Variants in TLE4 observed in about 807,000 individuals in gnomAD.
TLE4 encodes TLE family member 4, transcriptional corepressor.
Under a neutral mutation model 92.8 loss-of-function variants are expected in TLE4, and 8 were observed. The observed-to-expected ratio is 0.09, with a 90% CI of 0.05 to 0.16. The LOEUF is 0.16. TLE4 is among the 10% of genes least tolerant of loss of function. TLE4 has a pLI of 1.00. For missense variants in TLE4, 675 were observed against 997.6 expected (o/e 0.68, Z 4.36); for synonymous variants, 371 against 374.1 (o/e 0.99, Z 0.10).
At chr9:79,713,228 G>T (rs1037082750) in intron 14 of TLE4, among the ~76,000 whole-genome samples, 1 of 152,194 alleles carries the variant, frequency 6.6e-6, no homozygotes, top group Non-Finnish European at 1.5e-5. Flanking sequence ...ATGAGGGGAA[G>T]GTGGGAAAGC....
intron 19 of TLE4, among the ~76,000 whole-genome samples, chr9:79,723,488 C>T (rs542613794): frequency 6.6e-6 from 1 of 152,140 alleles, no homozygotes; most frequent in Non-Finnish European, 1.5e-5. Context: ...TTTATTTTCC[C>T]TATTGACTCA....
intron 6 of TLE4, chr9:79,627,697 C>A: frequency 4.5e-6 from 2 of 440,702 alleles, no homozygotes; most frequent in Non-Finnish European, 8.1e-6. Context: ...AGCTCTTTTT[C>A]ATATTTCTTT....
At chr9:79,674,021 C>T (rs2062844933) in intron 8 of TLE4, among the ~76,000 whole-genome samples, 1 of 152,094 alleles carries the variant, frequency 6.6e-6, no homozygotes, top group African/African-American at 2.4e-5. Context: ...CCTCTTTAGT[C>T]CTCCCAGGCT....
intron 4 of TLE4, among the ~76,000 whole-genome samples, chr9:79,608,560 A>G (rs1354266866): frequency 6.6e-6 from 1 of 152,082 alleles, no homozygotes; most frequent in Non-Finnish European, 1.5e-5. Context: ...AATAAAATAA[A>G]TAGATTCATC....
chr9:79,667,700 A>G (rs1240570166), intron 8 of TLE4, among the ~76,000 whole-genome samples: 2 of 152,132 alleles, frequency 1.3e-5, no homozygotes, highest in African/African-American at 4.8e-5. Flanking sequence ...AAGCTGAGCA[A>G]GGTAAAGATA....
intron 14 of TLE4, among the ~76,000 whole-genome samples, chr9:79,714,942 T>C (rs1399394903): frequency 1.3e-5 from 2 of 152,222 alleles, no homozygotes; most frequent in Admixed American, 1.3e-4. Flanking sequence ...AATCTGATAA[T>C]AAGTATGTAC....
chr9:79,609,281 C>T (rs1023226554), intron 4 of TLE4, among the ~76,000 whole-genome samples: 2 of 152,068 alleles, frequency 1.3e-5, no homozygotes, highest in Admixed American at 6.6e-5. Flanking sequence ...TAGAGTTAGC[C>T]TGTTGACAGT....
intron 8 of TLE4, among the ~76,000 whole-genome samples, chr9:79,696,289 T>G (rs1374744690): frequency 6.6e-6 from 1 of 152,222 alleles, no homozygotes; most frequent in Non-Finnish European, 1.5e-5. Context: ...CCGAAAAGTG[T>G]AAAATACATA....
chr9:79,612,484 G>C (rs530115562), intron 4 of TLE4, among the ~76,000 whole-genome samples, 172 bp from the exon 5 acceptor site: 3 of 152,230 alleles, frequency 2.0e-5, no homozygotes, highest in Admixed American at 1.3e-4. Flanking sequence ...ATGTGGCACT[G>C]TTGTCACTGC....
chr9:79,574,033 C>T, intron 2 of TLE4: 1 of 292,928 alleles, frequency 3.4e-6, no homozygotes, highest in East Asian at 5.5e-5. Flanking sequence ...TTGGAAAACG[C>T]TGAGGCCAAA....
intron 13 of TLE4, 78 bp from the exon 14 acceptor site, chr9:79,709,545 A>T: frequency 7.8e-7 from 1 of 1,274,046 alleles, no homozygotes; most frequent in Non-Finnish European, 1.1e-6. Flanking sequence ...CCCAGGTTTT[A>T]GAATAGATTT....
intron 19 of TLE4, among the ~76,000 whole-genome samples, chr9:79,723,686 C>CT (rs1286436661): frequency 1.3e-5 from 2 of 152,062 alleles, no homozygotes; most frequent in Non-Finnish European, 2.9e-5. Context: ...TCCTAGTGTT[C>CT]TTTTTTACAA....
chr9:79,672,506 C>A (rs928555330), intron 8 of TLE4, among the ~76,000 whole-genome samples: 2 of 152,226 alleles, frequency 1.3e-5, no homozygotes, highest in East Asian at 3.9e-4. Context: ...CCTGCATGAC[C>A]TGTTTTTGTG....
intron 14 of TLE4, among the ~76,000 whole-genome samples, chr9:79,710,473 C>G (rs982977317): frequency 3.3e-5 from 5 of 152,176 alleles, no homozygotes. Context: ...TTTCTCATCA[C>G]TCTTTCTGTG....
chr9:79,681,067 A>G (rs1182337614), intron 8 of TLE4, among the ~76,000 whole-genome samples: 1 of 152,122 alleles, frequency 6.6e-6, no homozygotes, highest in Admixed American at 6.6e-5. Flanking sequence ...ATGTTCATCA[A>G]GGATATTGGT....
intron 8 of TLE4, among the ~76,000 whole-genome samples, chr9:79,687,391 C>G (rs1243411965): frequency 6.6e-6 from 1 of 152,196 alleles, no homozygotes; most frequent in Non-Finnish European, 1.5e-5. Flanking sequence ...TCTTCCTTGT[C>G]TCTCCCTTCA....
intron 4 of TLE4, among the ~76,000 whole-genome samples, chr9:79,607,136 T>G (rs2047209772): frequency 6.6e-6 from 1 of 152,190 alleles, no homozygotes; most frequent in Non-Finnish European, 1.5e-5. Context: ...TGATGAGCAT[T>G]TTTTCATATG....
At chr9:79,705,396 G>A (rs2071252063) in intron 9 of TLE4, among the ~76,000 whole-genome samples, 2 of 152,352 alleles carry the variant, frequency 1.3e-5, no homozygotes, top group South Asian at 4.1e-4. Context: ...AGTGAGATGG[G>A]GGAGCAAGCT....
intron 8 of TLE4, chr9:79,671,512 T>C: frequency 9.8e-6 from 3 of 305,896 alleles, no homozygotes; most frequent in South Asian, 8.3e-5. Flanking sequence ...CCTCTAATTG[T>C]GTGGGGAGAG....
Sources: allele counts gnomAD v4.1 joint callset (sites outside exome capture counted in the v4.1 genomes callset), GRCh38; gene constraint gnomAD v4.1.1; transcripts MANE v1.5; gene names NCBI Gene and HGNC (gene_info 2026-07-23, HGNC 2026-07-21).